FARS2: variants seen among roughly 807,000 people sequenced by gnomAD.
FARS2 encodes the protein phenylalanine--tRNA ligase, mitochondrial.
In FARS2, 40 loss-of-function variants were observed where a neutral mutation model predicts 46.4. That is an observed-to-expected ratio of 0.86 (90% CI 0.67 to 1.12). FARS2 has a LOEUF of 1.12. FARS2 is among the 50% of genes most tolerant of loss of function. The pLI is 0.00. For missense variants in FARS2, 513 were observed against 567.9 expected (o/e 0.90, Z 0.98); for synonymous variants, 234 against 214.9 (o/e 1.09, Z -0.78).
At chr6:5,682,430 A>G (rs1198139991) in intron 6 of FARS2, among the ~76,000 whole-genome samples, 1 of 152,220 alleles carries the variant, frequency 6.6e-6, no homozygotes, top group African/African-American at 2.4e-5. Flanking sequence ...AATAAGTTGT[A>G]AAGAAGTATA....
chr6:5,693,459 C>A (rs148345209), intron 6 of FARS2, among the ~76,000 whole-genome samples: 2 of 152,186 alleles, frequency 1.3e-5, no homozygotes, highest in Non-Finnish European at 2.9e-5. Context: ...ATGGGCAAGG[C>A]GGCTAATGCG....
chr6:5,357,514 A>C (rs577897660), intron 1 of FARS2, among the ~76,000 whole-genome samples: 59 of 152,318 alleles, frequency 3.9e-4, no homozygotes, highest in Non-Finnish European at 6.5e-4. Flanking sequence ...AATTGGGAAG[A>C]GAGAAGAGAT....
chr6:5,382,302 TA>T (rs1759845581), intron 2 of FARS2, among the ~76,000 whole-genome samples: 1 of 152,156 alleles, frequency 6.6e-6, no homozygotes, highest in Non-Finnish European at 1.5e-5. Flanking sequence ...CCAGATAAGG[TA>T]AAAGACCCTT....
intron 6 of FARS2, among the ~76,000 whole-genome samples, chr6:5,692,264 C>T (rs997068250): frequency 3.9e-5 from 6 of 152,204 alleles, no homozygotes; most frequent in African/African-American, 1.2e-4. Context: ...AGAAATCACC[C>T]GTCTTCTGCA....
At chr6:5,543,089 A>G (rs577910971) in intron 4 of FARS2, among the ~76,000 whole-genome samples, 1 of 152,332 alleles carries the variant, frequency 6.6e-6, no homozygotes, top group Admixed American at 6.5e-5. Flanking sequence ...ATAATTTTAT[A>G]TGTGACCAAA....
intron 5 of FARS2, among the ~76,000 whole-genome samples, chr6:5,591,655 A>T (rs1432708493): frequency 2.0e-5 from 3 of 152,186 alleles, no homozygotes. Context: ...GCTGATGGAA[A>T]TGCTGACCCA....
At chr6:5,512,465 G>A (rs1768517158) in intron 4 of FARS2, among the ~76,000 whole-genome samples, 1 of 152,008 alleles carries the variant, frequency 6.6e-6, no homozygotes, top group Non-Finnish European at 1.5e-5. Flanking sequence ...TGTTCCTGAA[G>A]GAAATTAGCA....
chr6:5,278,271 A>G (rs536785216), intron 1 of FARS2, among the ~76,000 whole-genome samples: 11 of 152,334 alleles, frequency 7.2e-5, no homozygotes, highest in East Asian at 5.8e-4. Flanking sequence ...GGGACATTGC[A>G]AAGATTCAGA....
intron 5 of FARS2, among the ~76,000 whole-genome samples, chr6:5,588,793 G>C (rs1451904221): frequency 1.3e-5 from 2 of 152,172 alleles, no homozygotes; most frequent in Admixed American, 1.3e-4. Flanking sequence ...GGATCCAACT[G>C]CCTCATCTGT....
intron 5 of FARS2, among the ~76,000 whole-genome samples, chr6:5,591,318 A>C (rs1773905772): frequency 6.6e-6 from 1 of 152,160 alleles, no homozygotes; most frequent in Non-Finnish European, 1.5e-5. Context: ...GGTCCAAGAC[A>C]AGGTGGTCAG....
intron 6 of FARS2, among the ~76,000 whole-genome samples, chr6:5,700,848 C>A (rs1758387922): frequency 6.6e-6 from 1 of 152,212 alleles, no homozygotes; most frequent in Non-Finnish European, 1.5e-5. Context: ...TGCACACCAG[C>A]AGTTCAGAGA....
intron 1 of FARS2, among the ~76,000 whole-genome samples, chr6:5,273,031 C>T (rs987539090): frequency 1.3e-5 from 2 of 152,150 alleles, no homozygotes; most frequent in Admixed American, 6.5e-5. Context: ...CTTTTTATGC[C>T]ACATTTTCTT....
At chr6:5,382,064 A>T (rs577689616) in intron 2 of FARS2, among the ~76,000 whole-genome samples, 1 of 152,348 alleles carries the variant, frequency 6.6e-6, no homozygotes, top group African/African-American at 2.4e-5. Flanking sequence ...TCCATCTGGT[A>T]AACACTGGCC....
In FARS2 at chr6:5,765,565, G is replaced by A. The variant is rs1762708875; in HGVS notation, c.1218-5726G>A. Among the ~76,000 whole-genome samples, 1 of 152,156 alleles carries A rather than the reference G, an allele frequency of 6.6e-6. No homozygotes were observed. Among genetic ancestry groups the A allele is most frequent in the South Asian group, 2.1e-4 (1 of 4,814 alleles). On this transcript the variant is annotated intron_variant, in intron 6 of 6. Transcript: ENST00000274680. This position sits in a 1 kb window ranked among gnomAD's most constrained non-coding sequence, Gnocchi z 4.0. ...CTGGTGGGCCCTGTAGTGCCGCACT[G>A]TACTAGACAAACAGCGCGTGTCAGT...
chr6:5,431,322 T>G, intron 4 of FARS2, 150 bp downstream of exon 4: 1 of 807,838 alleles, frequency 1.2e-6, no homozygotes, highest in Non-Finnish European at 2.0e-6. Flanking sequence ...TAGATTTGTC[T>G]TTGATACTAA....
chr6:5,463,739 G>A (rs1765367329), intron 4 of FARS2, among the ~76,000 whole-genome samples: 1 of 151,630 alleles, frequency 6.6e-6, no homozygotes, highest in African/African-American at 2.4e-5. Flanking sequence ...CATAGCACAT[G>A]TCATTTTTCT....
rs9405854 is a variant in FARS2, at chr6:5,609,248, T to G, written c.1066-3921T>G. 3,742 of 1,164,754 alleles carry G rather than the reference T, an allele frequency of 3.2e-3. 20 individuals are homozygous for G. The highest frequency in any genetic ancestry group is 6.3e-3 in the Middle Eastern group (23 of 3,632). 72.2% of individuals were successfully genotyped at this position (1,164,754 alleles called of 1,614,324 possible). A position where few individuals can be genotyped will look rare whatever the true frequency, so the allele number is the denominator to read the frequency against. ...CTAATTAAAATCTTCTGCCACTGCC[T>G]TAGCTACTGCTGCTACTGGAACTGC... On this transcript the variant is annotated intron_variant, in intron 5 of 6. Coordinates refer to ENST00000274680, the MANE Select transcript of FARS2 (RefSeq NM_006567.5).
At chr6:5,510,552 G>A (rs541246232) in intron 4 of FARS2, among the ~76,000 whole-genome samples, 15 of 152,320 alleles carry the variant, frequency 9.8e-5, no homozygotes, top group African/African-American at 3.4e-4. Context: ...GTGGGCACAC[G>A]GTGCCTTTTG....
Position 5,368,981 on chromosome 6 carries a change from C to G in FARS2, c.411C>G (p.Ser137Arg), listed in dbSNP as rs761360080. 6.2e-7 allele frequency: 1 copy of G among 1,614,174 alleles called. No homozygotes were observed. The highest frequency in any genetic ancestry group is 1.1e-5 in the South Asian group (1 of 91,082). The change falls in exon 2 of 7, where the codon AGC becomes AGG. Residue 137 changes from serine to arginine, a missense_variant. Coordinates refer to ENST00000274680, the MANE Select transcript of FARS2 (RefSeq NM_006567.5). Reference sequence around the variant, plus strand: ...TGCTCATCCCAGCTGATCACCCCAGCAGGAAGAAGGGGGACAACTATTACC... The same window carrying G: ...TGCTCATCCCAGCTGATCACCCCAGGAGGAAGAAGGGGGACAACTATTACC... ...DSLLIPADHPSRKKGDNYYLN... is the reference protein window; with the variant it reads ...DSLLIPADHPRRKKGDNYYLN...
Sources: gnomAD v4.1 joint callset for allele counts (sites outside exome capture counted in the v4.1 genomes callset) on GRCh38, gnomAD v4.1.1 for gene constraint, Gnocchi (gnomAD v3.1) non-coding constraint, MANE v1.5 for transcripts, NCBI Gene and HGNC (gene_info 2026-07-23, HGNC 2026-07-21) for gene names.